The following CAMK4 variants were observed in gnomAD, a reference collection of about 807,000 sequenced individuals.
The protein encoded by CAMK4 is calcium/calmodulin-dependent protein kinase type IV.
A neutral mutation model predicts 44.9 loss-of-function variants in CAMK4; 22 were observed. The observed-to-expected ratio is 0.49, with a 90% CI of 0.35 to 0.70. The LOEUF is 0.70. Ranked by LOEUF, CAMK4 falls within the 30% of genes least tolerant of loss-of-function variation. The pLI is 0.01. For missense variants in CAMK4, 498 were observed against 586.8 expected (o/e 0.85, Z 1.56); for synonymous variants, 218 against 215.4 (o/e 1.01, Z -0.11).
chr5:111,451,310 T>A (rs1754227964), intron 7 of CAMK4, among the ~76,000 whole-genome samples: 1 of 152,076 alleles, frequency 6.6e-6, no homozygotes, highest in South Asian at 2.1e-4. Flanking sequence ...TTATCAATTA[T>A]TGCTTTTATT....
chr5:111,287,124 A>G (rs1256234251), intron 1 of CAMK4, among the ~76,000 whole-genome samples: 1 of 152,156 alleles, frequency 6.6e-6, no homozygotes, highest in East Asian at 1.9e-4. Flanking sequence ...TAACTTTTTA[A>G]ATTTTTCCTA....
intron 1 of CAMK4, among the ~76,000 whole-genome samples, chr5:111,244,333 G>A (rs1398768544): frequency 1.3e-5 from 2 of 152,138 alleles, no homozygotes; most frequent in East Asian, 3.8e-4. Flanking sequence ...AAACATTGCA[G>A]AATATTTTAT....
chr5:111,460,241 A>AATGTTTTT (rs1283385207), intron 7 of CAMK4, among the ~76,000 whole-genome samples: 1 of 150,508 alleles, frequency 6.6e-6, no homozygotes, highest in Non-Finnish European at 1.5e-5. Context: ...AGAAAAACAT[A>AATGTTTTT]ATGTTTTTCT....
intron 1 of CAMK4, among the ~76,000 whole-genome samples, chr5:111,343,419 TG>T (rs1681107468): frequency 6.6e-6 from 1 of 151,812 alleles, no homozygotes; most frequent in Non-Finnish European, 1.5e-5. Flanking sequence ...ATGTGGTGTT[TG>T]GAGCATTTGG....
chr5:111,297,879 A>C (rs542824207), intron 1 of CAMK4, among the ~76,000 whole-genome samples: 1 of 152,358 alleles, frequency 6.6e-6, no homozygotes, highest in Admixed American at 6.5e-5. Flanking sequence ...GTGTTAGCTC[A>C]TTTAAAAAAT....
intron 5 of CAMK4, among the ~76,000 whole-genome samples, chr5:111,437,510 G>T (rs1021578798): frequency 2.0e-5 from 3 of 152,168 alleles, no homozygotes; most frequent in South Asian, 4.2e-4. Flanking sequence ...GAGGCATCCT[G>T]AATGGAAAGC....
chr5:111,234,965 A>G (rs1428123997), intron 1 of CAMK4, among the ~76,000 whole-genome samples: 1 of 152,224 alleles, frequency 6.6e-6, no homozygotes, highest in Non-Finnish European at 1.5e-5. Context: ...AAGATAACAG[A>G]TCTATAATTG....
At chr5:111,399,193 C>A (rs1407453909) in intron 5 of CAMK4, among the ~76,000 whole-genome samples, 2 of 152,140 alleles carry the variant, frequency 1.3e-5, no homozygotes, top group East Asian at 3.9e-4. Context: ...CTACACTGGC[C>A]TTGTTTTCCG....
intron 5 of CAMK4, among the ~76,000 whole-genome samples, chr5:111,401,170 G>T (rs542955575): frequency 6.6e-6 from 1 of 151,928 alleles, no homozygotes; most frequent in Non-Finnish European, 1.5e-5. Context: ...ACAGAGTCTC[G>T]CTCTGTCGCC....
chr5:111,224,267 G>C (rs372340803), upstream of CAMK4: 1 of 474,852 alleles, frequency 2.1e-6, no homozygotes, highest in Non-Finnish European at 3.4e-6. The surrounding 1 kb of genome is among the most constrained non-coding windows in gnomAD (Gnocchi z 5.7). Flanking sequence ...TCCAGCGGGC[G>C]GCGACTCCGG....
At chr5:111,299,381 C>G (rs1747625524) in intron 1 of CAMK4, among the ~76,000 whole-genome samples, 1 of 148,476 alleles carries the variant, frequency 6.7e-6, no homozygotes, top group South Asian at 2.2e-4. Context: ...CATGTCGAAA[C>G]TCTCTGTGAT....
chr5:111,418,549 G>A lies in CAMK4; in HGVS notation c.459+23767G>A, dbSNP rs551108102. Among the ~76,000 whole-genome samples, 184 of 151,872 alleles carry A rather than the reference G, an allele frequency of 1.2e-3. 2 individuals carry two copies. Among genetic ancestry groups the A allele is most frequent in the Non-Finnish European group, 1.9e-3 (127 of 67,976 alleles). ...ATTGGTGTGCTGAACCCATTAACTCGTCATTTAGCGTTAGGTATATCACCT... is the reference window on the plus strand; with the variant it reads ...ATTGGTGTGCTGAACCCATTAACTCATCATTTAGCGTTAGGTATATCACCT... On this transcript the variant is annotated intron_variant, in intron 5 of 10. Transcript: ENST00000282356.
intron 1 of CAMK4, among the ~76,000 whole-genome samples, chr5:111,341,884 C>T (rs1395055402): frequency 6.6e-6 from 1 of 151,370 alleles, no homozygotes; most frequent in Non-Finnish European, 1.5e-5. Context: ...CTCACCTCTA[C>T]CCCAATCCAA....
chr5:111,299,240 G>A (rs1056152544), intron 1 of CAMK4, among the ~76,000 whole-genome samples: 1 of 152,228 alleles, frequency 6.6e-6, no homozygotes, highest in Non-Finnish European at 1.5e-5. Flanking sequence ...ATGTAACCAT[G>A]TCACATGAAG....
chr5:111,450,156 T>TAA (rs956134638), intron 7 of CAMK4, among the ~76,000 whole-genome samples: 1 of 150,166 alleles, frequency 6.7e-6, no homozygotes, highest in Non-Finnish European at 1.5e-5. Flanking sequence ...CTATCTCTAC[T>TAA]AAAAAAAAAT....
chr5:111,271,381 T>G (rs1249504043), intron 1 of CAMK4, among the ~76,000 whole-genome samples: 2 of 152,200 alleles, frequency 1.3e-5, no homozygotes, highest in African/African-American at 4.8e-5. Flanking sequence ...CAAGGGCATG[T>G]GAGAGTAAAT....
At chr5:111,333,944 C>G (rs1291909848) in intron 1 of CAMK4, among the ~76,000 whole-genome samples, 1 of 151,290 alleles carries the variant, frequency 6.6e-6, no homozygotes, top group Non-Finnish European at 1.5e-5. Flanking sequence ...GGGAGACAGA[C>G]CAAAAAGTTG....
chr5:111,224,752 TCTCCC>T lies in CAMK4; in HGVS notation c.161+109_161+113del. On this transcript the variant is annotated intron_variant, in intron 1 of 10. Coordinates refer to ENST00000282356, the MANE Select transcript of CAMK4 (RefSeq NM_001744.6). This position sits in a 1 kb window ranked among gnomAD's most constrained non-coding sequence, Gnocchi z 5.7. ...GAGCCTGCCTTCGTGCCCTTCGATT[TCTCCC>T]TACCTAGTTAGTGTCTTGAGAGAGA... 1 of 1,050,384 alleles carries T rather than the reference TCTCCC, an allele frequency of 9.5e-7. No homozygotes were observed. Among genetic ancestry groups the T allele is most frequent in the South Asian group, 1.6e-5 (1 of 61,406 alleles). The allele number at this position is 1,050,384 out of a possible 1,614,324, so 65.1% of individuals were successfully genotyped here.
chr5:111,235,200 C>T (rs905531967), intron 1 of CAMK4, among the ~76,000 whole-genome samples: 14 of 152,140 alleles, frequency 9.2e-5, no homozygotes, highest in Admixed American at 9.2e-4. Flanking sequence ...CTCTAACAGA[C>T]ACACAAAGTT....
Sources: allele counts gnomAD v4.1 joint callset (sites outside exome capture counted in the v4.1 genomes callset), GRCh38; gene constraint gnomAD v4.1.1; non-coding constraint Gnocchi (gnomAD v3.1); transcripts MANE v1.5; gene names NCBI Gene and HGNC (gene_info 2026-07-23, HGNC 2026-07-21).